RBFOX1: variants seen among roughly 807,000 people sequenced by gnomAD.
RBFOX1 encodes RNA binding fox-1 homolog 1, also known as RNA binding protein fox-1 homolog 1.
In RBFOX1, 8 loss-of-function variants were observed where a neutral mutation model predicts 57.7. The ratio of observed to expected loss-of-function variants is 0.14; its 90% CI spans 0.08 to 0.25. RBFOX1 has a LOEUF of 0.25. RBFOX1 is among the 10% of genes least tolerant of loss of function. The probability of loss-of-function intolerance (pLI) is 1.00; values close to 1 mark genes in which losing one functional copy is unlikely to be tolerated. For synonymous variants in RBFOX1, 326 were observed against 222.4 expected, an observed-to-expected ratio of 1.47 and a Z score of -4.15; for missense variants, 611 against 548.5, an observed-to-expected ratio of 1.11 and a Z score of -1.14.
chr16:5,424,917 TTCTTTCTTTCTTTCTTTCTC>T (rs2067482574), intron 1 of RBFOX1, among the ~76,000 whole-genome samples: 1 of 116,034 alleles, frequency 8.6e-6, no homozygotes, highest in Non-Finnish European at 1.7e-5. Context: ...CTTTCTTTCT[TTCTTTCTTTCTTTCTTTCTC>T]TCTCTTCTTT....
At chr16:6,749,152 A>T (rs1391849645) in intron 3 of RBFOX1, among the ~76,000 whole-genome samples, 1 of 152,190 alleles carries the variant, frequency 6.6e-6, no homozygotes, top group Non-Finnish European at 1.5e-5. Flanking sequence ...GGCATTCGAG[A>T]GAAAAAGTTA....
chr16:7,199,927 C>A (rs1424912157), intron 4 of RBFOX1, among the ~76,000 whole-genome samples: 2 of 151,042 alleles, frequency 1.3e-5, no homozygotes, highest in Admixed American at 6.6e-5. Flanking sequence ...ACAACAACAA[C>A]AACAAAGAAA....
At chr16:5,404,553 T>G (rs2066809991) in intron 1 of RBFOX1, among the ~76,000 whole-genome samples, 1 of 152,228 alleles carries the variant, frequency 6.6e-6, no homozygotes, top group Non-Finnish European at 1.5e-5. Flanking sequence ...GGACAGAGGA[T>G]AGCTGTATCT....
intron 4 of RBFOX1, among the ~76,000 whole-genome samples, chr16:5,907,700 C>T (rs988172855): frequency 3.3e-5 from 5 of 151,014 alleles, no homozygotes; most frequent in Admixed American, 1.3e-4. Context: ...ATAATTAAGA[C>T]GCGAACTCAA....
chr16:6,173,970 C>A (rs2096983164), intron 1 of RBFOX1, among the ~76,000 whole-genome samples: 1 of 152,100 alleles, frequency 6.6e-6, no homozygotes, highest in South Asian at 2.1e-4. Context: ...CAGAGTCCTT[C>A]ACAGTGATCT....
At chr16:5,314,398 G>T (rs4786667) in intron 1 of RBFOX1, among the ~76,000 whole-genome samples, 1 of 152,398 alleles carries the variant, frequency 6.6e-6, no homozygotes, top group Admixed American at 6.5e-5. Context: ...AACAGCCTCT[G>T]TCCTTCTCTT....
intron 4 of RBFOX1, among the ~76,000 whole-genome samples, chr16:5,896,012 C>T (rs561766638): frequency 6.6e-6 from 1 of 152,122 alleles, no homozygotes; most frequent in South Asian, 2.1e-4. Context: ...GTAAAATGTT[C>T]TGTCTTACGT....
At chr16:6,564,739 G>A (rs1327179319) in intron 2 of RBFOX1, among the ~76,000 whole-genome samples, 2 of 152,140 alleles carry the variant, frequency 1.3e-5, no homozygotes, top group East Asian at 3.9e-4. Flanking sequence ...GGGTGGTGAT[G>A]GATGTGTTAA....
chr16:5,692,836 A>G (rs2050731070), intron 3 of RBFOX1, among the ~76,000 whole-genome samples: 1 of 152,204 alleles, frequency 6.6e-6, no homozygotes, highest in Admixed American at 6.5e-5. Flanking sequence ...CGAGTAAGAA[A>G]GAAGTGAGAC....
chr16:7,646,917 T>C (rs1352905908), intron 11 of RBFOX1, among the ~76,000 whole-genome samples: 1 of 152,052 alleles, frequency 6.6e-6, no homozygotes, highest in Admixed American at 6.6e-5. Flanking sequence ...ATACATTGAG[T>C]GCAGGGCTCA....
intron 1 of RBFOX1, among the ~76,000 whole-genome samples, chr16:6,145,608 A>T (rs1468606625): frequency 6.6e-6 from 1 of 152,176 alleles, no homozygotes; most frequent in Non-Finnish European, 1.5e-5. Flanking sequence ...TTTTATCCAG[A>T]TGAAATTATC....
intron 3 of RBFOX1, among the ~76,000 whole-genome samples, chr16:6,681,671 G>GA (rs34916559): frequency 0.36 from 51,868 of 145,172 alleles, 10,020 homozygotes; most frequent in South Asian, 0.47. Flanking sequence ...CATTTAACCA[G>GA]AAAAAAAAAA....
At chr16:6,701,646 A>G (rs1290449419) in intron 3 of RBFOX1, among the ~76,000 whole-genome samples, 1 of 152,156 alleles carries the variant, frequency 6.6e-6, no homozygotes, top group Non-Finnish European at 1.5e-5. Context: ...AGGCGTACGT[A>G]CACCTGTGTT....
chr16:7,210,125 T>C (rs890079860), intron 4 of RBFOX1, among the ~76,000 whole-genome samples: 2 of 152,176 alleles, frequency 1.3e-5, no homozygotes, highest in African/African-American at 2.4e-5. Flanking sequence ...TGCCCTGCAA[T>C]TGTGTGTATT....
intron 3 of RBFOX1, among the ~76,000 whole-genome samples, chr16:6,730,998 A>G: frequency 6.6e-6 from 1 of 152,292 alleles, no homozygotes; most frequent in East Asian, 1.9e-4. Flanking sequence ...AGTATCATTG[A>G]TGTCAGAGAT....
chr16:5,503,076 A>G (rs2043255926), intron 2 of RBFOX1, among the ~76,000 whole-genome samples: 1 of 152,198 alleles, frequency 6.6e-6, no homozygotes. Context: ...TCAGCTGGGG[A>G]AACAGGGCAC....
intron 2 of RBFOX1, among the ~76,000 whole-genome samples, chr16:6,453,997 G>A (rs2094698882): frequency 1.3e-5 from 2 of 152,218 alleles, no homozygotes; most frequent in African/African-American, 4.8e-5. Context: ...TTGTTCTGAG[G>A]CTTTCCTGCT....
At chr16:6,545,878 G>T (rs1222614159) in intron 2 of RBFOX1, among the ~76,000 whole-genome samples, 1 of 152,198 alleles carries the variant, frequency 6.6e-6, no homozygotes, top group South Asian at 2.1e-4. Context: ...AATCCCAGGT[G>T]TCTGATGCCA....
At chr16:5,681,293 C>G (rs560709117) in intron 3 of RBFOX1, among the ~76,000 whole-genome samples, 5 of 149,470 alleles carry the variant, frequency 3.3e-5, no homozygotes, top group African/African-American at 1.2e-4. Context: ...ACCATGTTAG[C>G]CAGGATGGTC....
Sources: allele counts gnomAD v4.1 joint callset (sites outside exome capture counted in the v4.1 genomes callset), GRCh38; gene constraint gnomAD v4.1.1; transcripts MANE v1.5; gene names NCBI Gene and HGNC (gene_info 2026-07-23, HGNC 2026-07-21).